Variants in CEP350 observed in about 807,000 individuals in gnomAD.
CEP350 encodes the protein centrosomal protein 350, also known as centrosome-associated protein 350.
In CEP350, 126 loss-of-function variants were observed where a neutral mutation model predicts 331.8. The ratio of observed to expected loss-of-function variants is 0.38; its 90% CI spans 0.33 to 0.44. The LOEUF is 0.44. Ranked by LOEUF, CEP350 falls within the 20% of genes least tolerant of loss-of-function variation. CEP350 has a pLI of 1.00. For missense variants in CEP350, 3,406 were observed against 3,634.6 expected, an observed-to-expected ratio of 0.94 and a Z score of 1.62; for synonymous variants, 1,200 against 1,259.5, an observed-to-expected ratio of 0.95 and a Z score of 1.00.
At chr1:180,047,774 A>AG (rs1367759024) in intron 21 of CEP350, among the ~76,000 whole-genome samples, 54 of 149,790 alleles carry the variant, frequency 3.6e-4, no homozygotes, top group East Asian at 3.3e-3. Flanking sequence ...AAAAAAAAAA[A>AG]AAAAGAAAAG....
Position 179,965,424 on chromosome 1 carries a change from C to CT in CEP350, c.-14+10283dup, listed in dbSNP as rs1252776844. Among the ~76,000 whole-genome samples the CT allele has an allele frequency of 3.9e-5, 6 of 152,180 alleles. No homozygotes were observed. The East Asian group carries it at 7.7e-4, about 20-fold the overall frequency. On this transcript the variant is annotated intron_variant, in intron 1 of 37. Transcript: ENST00000367607. ...CTGTTAGGTCCGTTTGGTCAAGTGT[C>CT]TAAGTCCAGAGTTTCTTTGTTAGTT...
intron 20 of CEP350, 82 bp downstream of exon 20, chr1:180,043,274 G>T (rs1165004046): frequency 1.4e-6 from 2 of 1,438,216 alleles, no homozygotes; most frequent in Non-Finnish European, 1.9e-6. Flanking sequence ...ATGAGTATTT[G>T]TTGTTATAGG....
chr1:180,002,557 A>G (rs995977130), intron 6 of CEP350, among the ~76,000 whole-genome samples: 5 of 152,222 alleles, frequency 3.3e-5, no homozygotes, highest in Admixed American at 6.5e-5. Context: ...TAGTTCCTCA[A>G]TAAGTTAAAC....
chr1:179,977,202 TA>T (rs1452856720), intron 1 of CEP350, among the ~76,000 whole-genome samples: 8 of 152,304 alleles, frequency 5.3e-5, no homozygotes, highest in Non-Finnish European at 1.2e-4. Context: ...CAGTAGTGGA[TA>T]GGGGTAATTC....
At chr1:180,054,180 A>G (rs1657677678) in intron 24 of CEP350, among the ~76,000 whole-genome samples, 1 of 152,190 alleles carries the variant, frequency 6.6e-6, no homozygotes, top group African/African-American at 2.4e-5. Flanking sequence ...ATGATGCAAT[A>G]TTGTAAACTT....
At chr1:180,077,345 A>G (rs1020162815) in intron 28 of CEP350, among the ~76,000 whole-genome samples, 2 of 150,280 alleles carry the variant, frequency 1.3e-5, no homozygotes, top group African/African-American at 4.9e-5. Context: ...CAAGATCTTT[A>G]TATAGAAAAA....
chr1:180,076,576 C>T (rs1248469146), intron 28 of CEP350, among the ~76,000 whole-genome samples: 4 of 152,078 alleles, frequency 2.6e-5, no homozygotes, highest in African/African-American at 9.7e-5. Context: ...ATCACTTGAA[C>T]CCAGGAGTTT....
intron 25 of CEP350, among the ~76,000 whole-genome samples, chr1:180,060,124 A>G (rs905802845): frequency 3.9e-5 from 6 of 152,242 alleles, no homozygotes; most frequent in Non-Finnish European, 7.3e-5. Flanking sequence ...GGGAATGAGA[A>G]TAAAGAGCAA....
intron 37 of CEP350, among the ~76,000 whole-genome samples, chr1:180,107,830 A>AAAAAC (rs59243464): frequency 0.56 from 84,267 of 150,322 alleles, 25,417 homozygotes; most frequent in East Asian, 0.71. Flanking sequence ...CTGCTCCCAA[A>AAAAAC]AAAACAAAAC....
chr1:179,967,271 T>A lies in CEP350; in HGVS notation c.-14+12129T>A, dbSNP rs1397390235. ...TTAGTTTGGGTTTTGGTGATTTTTT[T>A]AAAAAGCCATTTATAGTTTTTGTTG... On this transcript the variant is annotated intron_variant, in intron 1 of 37. Transcript: ENST00000367607. Among the ~76,000 whole-genome samples the A allele has an allele frequency of 7.9e-5, 12 of 152,324 alleles. No homozygotes were observed. In the South Asian group the frequency reaches 8.3e-4, roughly 11 times the overall value.
Position 179,979,356 on chromosome 1 carries a change from G to T in CEP350, c.-13-6813G>T, listed in dbSNP as rs989646481. Reference sequence around the variant, plus strand: ...TTAAAAACATGTTTCTTGACCATTTGTGTTTGCCCATTTTTAATTAGATTA... The same window carrying T: ...TTAAAAACATGTTTCTTGACCATTTTTGTTTGCCCATTTTTAATTAGATTA... On this transcript the variant is annotated intron_variant, in intron 1 of 37. Transcript: ENST00000367607. 2.1e-5 allele frequency among the ~76,000 whole-genome samples: 3 copies of T among 142,232 alleles called. No homozygotes were observed. In the East Asian group the frequency reaches 6.2e-4, roughly 30 times the overall value. The allele number at this position is 142,232 out of a possible 152,430, so 93.3% of individuals were successfully genotyped here. A position where few individuals can be genotyped will look rare whatever the true frequency, so the allele number is the denominator to read the frequency against.
In CEP350 at chr1:180,048,526, C is replaced by G. The variant is rs201018049; in HGVS notation, c.4623-10C>G. ...TTTTGTTGTTGTTGTTTCCATGTAT[C>G]CATAAAAAGAAGTAGCAGTGGTAGC... On this transcript the variant is annotated splice_polypyrimidine_tract_variant and intron_variant, in intron 21 of 37. Transcript: ENST00000367607. 564 of 1,570,598 alleles carry G rather than the reference C, an allele frequency of 3.6e-4. 2 individuals are homozygous for G. Among genetic ancestry groups the G allele is most frequent in the Non-Finnish European group, 4.5e-5 (52 of 1,150,694 alleles).
intron 37 of CEP350, among the ~76,000 whole-genome samples, chr1:180,107,175 C>T (rs1661191968): frequency 1.3e-5 from 2 of 152,090 alleles, no homozygotes; most frequent in Non-Finnish European, 2.9e-5. Context: ...TTTGCACTGT[C>T]CTAGTCATGA....
chr1:180,092,877 A>T lies in CEP350; in HGVS notation c.6772A>T (p.Ile2258Leu). 1.3e-6 allele frequency: 2 copies of T among 1,567,216 alleles called. No individual in the cohort carries two copies. Among genetic ancestry groups the T allele is most frequent in the South Asian group, 2.3e-5 (2 of 85,278 alleles). Residue 2258 changes from isoleucine to leucine, a missense_variant, in exon 34 of 38, where the codon ATA becomes TTA. Around this residue, in one of 5 missense-constraint regions of CEP350, gnomAD observed 1,415 missense variants for 1,512.3 expected, o/e 0.94. Coordinates refer to ENST00000367607, the MANE Select transcript of CEP350 (RefSeq NM_014810.5). ...KVGESSKKSE[I>L]KEIEYTKLKK... ...TGGAGAATCTAGTAAAAAATCAGAA[A>T]TAAAAGAAATAGAGTATACAAAATT...
chr1:180,097,027 G>A (rs1395537940), intron 36 of CEP350, among the ~76,000 whole-genome samples: 1 of 152,180 alleles, frequency 6.6e-6, no homozygotes, highest in Non-Finnish European at 1.5e-5. Context: ...GAGTAGCAAA[G>A]CTTTAAACTT....
intron 33 of CEP350, among the ~76,000 whole-genome samples, chr1:180,091,607 G>A (rs1195564895): frequency 6.6e-6 from 1 of 152,130 alleles, no homozygotes; most frequent in Non-Finnish European, 1.5e-5. Flanking sequence ...GAAGTAGGCA[G>A]GTCACTTGAG....
intron 36 of CEP350, among the ~76,000 whole-genome samples, chr1:180,097,157 C>A (rs945807174): frequency 6.6e-6 from 1 of 152,216 alleles, no homozygotes; most frequent in Non-Finnish European, 1.5e-5. Flanking sequence ...AAACTATGGC[C>A]CATAAGCCAA....
At chr1:180,012,141 G>A in intron 9 of CEP350, 66 bp downstream of exon 9, 1 of 1,345,896 alleles carries the variant, frequency 7.4e-7, no homozygotes, top group Non-Finnish European at 1.0e-6. Flanking sequence ...CTTAGAGAAG[G>A]AAAAAGTACT....
rs760358576 is a variant in CEP350 at position 180,020,608 on chromosome 1, A to G, written c.2834A>G (p.Glu945Gly). 6 of 1,613,950 alleles carry G rather than the reference A, an allele frequency of 3.7e-6. No homozygotes were observed. Among genetic ancestry groups the G allele is most frequent in the Non-Finnish European group, 4.2e-6 (5 of 1,179,858 alleles). ...FRVRSPGPKP[E>G]GLLAQLCKRQ... The stretch of plus-strand genomic sequence containing the variant: ...GTGAGATCCCCTGGTCCCAAACCAG[A>G]AGGGCTACTGGCACAGTTATGTAAA... Residue 945 changes from glutamate (E) to glycine (G), a missense_variant, in exon 12 of 38, where the codon GAA becomes GGA. By Grantham distance (98) the Glu-to-Gly change is moderately conservative (BLOSUM62 -2). Around this residue, in one of 5 missense-constraint regions of CEP350, gnomAD observed 1,857 missense variants for 1,909.2 expected, o/e 0.97. Coordinates refer to ENST00000367607, the MANE Select transcript of CEP350 (RefSeq NM_014810.5).
Sources: allele counts gnomAD v4.1 joint callset (sites outside exome capture counted in the v4.1 genomes callset), GRCh38; gene constraint gnomAD v4.1.1; regional missense constraint gnomAD v4.1.1; transcripts MANE v1.5; gene names NCBI Gene and HGNC (gene_info 2026-07-23, HGNC 2026-07-21).